The following SP4 variants were observed in gnomAD, a reference collection of about 807,000 sequenced individuals.
SP4 encodes the protein transcription factor Sp4.
In SP4, 19 loss-of-function variants were observed where a neutral mutation model predicts 72.8. The observed-to-expected ratio is 0.26, with a 90% CI of 0.18 to 0.38. The LOEUF (loss-of-function observed/expected upper bound fraction) is 0.38, where lower values mean the gene tolerates loss of function less well. Among genes scored for constraint, SP4 ranks in the 10% least tolerant of loss-of-function variants. The probability of loss-of-function intolerance (pLI) is 1.00; values close to 1 mark genes in which losing one functional copy is unlikely to be tolerated. For synonymous variants in SP4, 395 were observed against 333.1 expected (o/e 1.19, Z -2.02); for missense variants, 1,008 against 926.3 (o/e 1.09, Z -1.14).
At chr7:21,443,884 C>G (rs1038945004) in intron 3 of SP4, among the ~76,000 whole-genome samples, 1 of 152,204 alleles carries the variant, frequency 6.6e-6, no homozygotes, top group African/African-American at 2.4e-5. Context: ...CAGGTTGAGA[C>G]AAATCTTTGA....
In SP4 at chr7:21,488,834, C is replaced by T. The variant is rs371824567; in HGVS notation, c.2107+6711C>T. Among the ~76,000 whole-genome samples the T allele has an allele frequency of 7.2e-5, 11 of 152,002 alleles. 1 individual carries two copies. In the East Asian group the frequency reaches 9.7e-4, roughly 13 times the overall value. ...ACTAAATGGATAATGTCTATAATAA[C>T]GATGTCATATAGATATGCACACTTT... On this transcript the variant is annotated intron_variant, in intron 5 of 5. Coordinates refer to ENST00000222584, the MANE Select transcript of SP4 (RefSeq NM_003112.5).
intron 3 of SP4, among the ~76,000 whole-genome samples, chr7:21,451,208 A>T (rs530557222): frequency 1.3e-5 from 2 of 152,256 alleles, no homozygotes; most frequent in Non-Finnish European, 2.9e-5. Context: ...TTTGCCTCTT[A>T]GTGTGTATGC....
At chr7:21,499,643 A>T (rs1048068601) in intron 5 of SP4, among the ~76,000 whole-genome samples, 8 of 152,206 alleles carry the variant, frequency 5.3e-5, no homozygotes, top group Non-Finnish European at 1.2e-4. Flanking sequence ...GTGAGAAAAT[A>T]AATTTATGTT....
chr7:21,451,133 C>T (rs1416069253), intron 3 of SP4, among the ~76,000 whole-genome samples: 1 of 152,196 alleles, frequency 6.6e-6, no homozygotes, highest in Admixed American at 6.5e-5. Flanking sequence ...AAGTTTTATG[C>T]ATGCTCTCTT....
At chr7:21,510,743 AT>A (rs1323059830) in intron 5 of SP4, among the ~76,000 whole-genome samples, 2 of 152,206 alleles carry the variant, frequency 1.3e-5, no homozygotes, top group African/African-American at 4.8e-5. Flanking sequence ...TGCTTTGTAG[AT>A]GGGAAAACTG....
At chr7:21,443,924 A>C (rs955860163) in intron 3 of SP4, among the ~76,000 whole-genome samples, 1 of 152,238 alleles carries the variant, frequency 6.6e-6, no homozygotes, top group Non-Finnish European at 1.5e-5. Flanking sequence ...AAACTATAAC[A>C]TGCTTGTTGA....
At chr7:21,474,380 T>C (rs1467840808) in intron 3 of SP4, among the ~76,000 whole-genome samples, 1 of 152,224 alleles carries the variant, frequency 6.6e-6, no homozygotes, top group Non-Finnish European at 1.5e-5. Context: ...TGCAGCTCCA[T>C]AGGGACCATG....
intron 3 of SP4, among the ~76,000 whole-genome samples, chr7:21,465,377 A>T (rs1255806511): frequency 1.3e-5 from 2 of 152,214 alleles, no homozygotes; most frequent in South Asian, 4.1e-4. Context: ...AGCCAACCAG[A>T]AAAGAGTGTA....
chr7:21,461,849 A>G (rs557387707), intron 3 of SP4, among the ~76,000 whole-genome samples: 3 of 152,244 alleles, frequency 2.0e-5, no homozygotes, highest in South Asian at 4.2e-4. Context: ...TAGACCTTTA[A>G]AGTTCTAGTG....
At chr7:21,482,442 T>C (rs1784713116) in intron 5 of SP4, among the ~76,000 whole-genome samples, 1 of 152,140 alleles carries the variant, frequency 6.6e-6, no homozygotes. Flanking sequence ...GAGAGTTGAA[T>C]TATCATCTTA....
intron 3 of SP4, chr7:21,471,089 A>G (rs772986461): frequency 5.6e-6 from 3 of 534,712 alleles, no homozygotes; most frequent in Non-Finnish European, 1.2e-5. Context: ...ACAGAACATT[A>G]GAGAAGACAG....
At chr7:21,476,135 A>C (rs753284997) in intron 3 of SP4, among the ~76,000 whole-genome samples, 6 of 152,030 alleles carry the variant, frequency 3.9e-5, no homozygotes, top group Non-Finnish European at 8.8e-5. Flanking sequence ...TTAGCTGGGC[A>C]TGGTGGCACA....
intron 3 of SP4, among the ~76,000 whole-genome samples, chr7:21,471,959 G>A (rs1218374637): frequency 6.6e-6 from 1 of 152,194 alleles, no homozygotes; most frequent in Admixed American, 6.5e-5. Flanking sequence ...TGTTGTCAGG[G>A]TGAAGGAGAT....
At chr7:21,486,848 G>A (rs1784828490) in intron 5 of SP4, among the ~76,000 whole-genome samples, 1 of 152,158 alleles carries the variant, frequency 6.6e-6, no homozygotes. Context: ...GAGAAGTATC[G>A]AAGAATTTGT....
chr7:21,488,792 A>G (rs985066599), intron 5 of SP4, among the ~76,000 whole-genome samples: 5 of 152,156 alleles, frequency 3.3e-5, no homozygotes, highest in South Asian at 2.1e-4. Flanking sequence ...ATAACTTGGA[A>G]ATACTATAAT....
rs955709598 is a variant in SP4 at position 21,514,576 on chromosome 7, T to C, written c.*3307T>C. 1 of 150,944 alleles carries C rather than the reference T, an allele frequency of 6.6e-6. No individual in the cohort carries two copies. Among genetic ancestry groups the C allele is most frequent in the Admixed American group, 6.6e-5 (1 of 15,128 alleles). 9.4% of individuals were successfully genotyped at this position (150,944 alleles called of 1,614,324 possible). On this transcript the variant is annotated 3_prime_UTR_variant, in exon 6 of 6. Transcript: ENST00000222584. ...AAAAAGATGAATCCAGAAAAAAACCTGTTTCCCATATTCTAGAATTTAGAC... is the reference window on the plus strand; with the variant it reads ...AAAAAGATGAATCCAGAAAAAAACCCGTTTCCCATATTCTAGAATTTAGAC...
intron 3 of SP4, among the ~76,000 whole-genome samples, chr7:21,471,794 G>A (rs75235199): frequency 0.047 from 7,121 of 152,216 alleles, 344 homozygotes; most frequent in African/African-American, 0.12. Context: ...TGATTGTGCC[G>A]CTGTACTCTA....
At chr7:21,484,038 G>A (rs1012584796) in intron 5 of SP4, among the ~76,000 whole-genome samples, 2 of 151,430 alleles carry the variant, frequency 1.3e-5, no homozygotes, top group African/African-American at 2.4e-5. Context: ...CAGCAACACC[G>A]GCATAGAAAT....
rs773198449 is a variant in SP4, at chr7:21,430,368, A to T, written c.1203A>T (p.Gln401His). ...NSLQQVQIVG[Q>H]PILQQIQIQQ... Reference sequence around the variant, plus strand: ...TTCAGCAGGTGCAAATTGTAGGCCAACCTATCTTACAGCAGATCCAGATCC... The same window carrying T: ...TTCAGCAGGTGCAAATTGTAGGCCATCCTATCTTACAGCAGATCCAGATCC... Residue 401 changes from glutamine to histidine, a missense_variant, in exon 3 of 6, where the codon CAA becomes CAT. Around this residue, in one of 3 missense-constraint regions of SP4, gnomAD observed 893 missense variants for 743.3 expected, o/e 1.20. Coordinates refer to ENST00000222584, the MANE Select transcript of SP4 (RefSeq NM_003112.5). The T allele has an allele frequency of 6.2e-7, 1 of 1,614,186 alleles. No individual in the cohort carries two copies. The highest frequency in any genetic ancestry group is 2.2e-5 in the East Asian group (1 of 44,890).
Sources: gnomAD v4.1 joint callset for allele counts (sites outside exome capture counted in the v4.1 genomes callset) on GRCh38, gnomAD v4.1.1 for gene constraint, gnomAD v4.1.1 regional missense constraint, MANE v1.5 for transcripts, NCBI Gene and HGNC (gene_info 2026-07-23, HGNC 2026-07-21) for gene names.